GPC5: variants seen among roughly 807,000 people sequenced by gnomAD.
GPC5 encodes the protein glypican-5.
In GPC5, 47 loss-of-function variants were observed where a neutral mutation model predicts 53.9. The ratio of observed to expected loss-of-function variants is 0.87; its 90% CI spans 0.69 to 1.11. GPC5 has a LOEUF of 1.11. Ranked by LOEUF, GPC5 falls within the 50% of genes most tolerant of loss-of-function variation. The pLI is 0.00. For missense variants in GPC5, 748 were observed against 713.1 expected (o/e 1.05, Z -0.56); for synonymous variants, 286 against 263.3 (o/e 1.09, Z -0.84).
intron 7 of GPC5, among the ~76,000 whole-genome samples, chr13:92,213,880 A>G (rs527939280): frequency 6.6e-6 from 1 of 152,340 alleles, no homozygotes; most frequent in Admixed American, 6.5e-5. Flanking sequence ...TAAGATTCTT[A>G]TATAGGCAGA....
In GPC5 at chr13:92,469,206, A is replaced by AT. The variant is rs549805569; in HGVS notation, c.1561+324226dup. Among the ~76,000 whole-genome samples, 13 of 150,972 alleles carry AT rather than the reference A, an allele frequency of 8.6e-5. 1 individual carries two copies. The highest frequency in any genetic ancestry group is 7.8e-4 in the East Asian group (4 of 5,128). On this transcript the variant is annotated intron_variant, in intron 7 of 7. Coordinates refer to ENST00000377067, the MANE Select transcript of GPC5 (RefSeq NM_004466.6). ...TATCTTAAGGTCTCCTTCCTCTCTA[A>AT]TTTTTTTTTCTTTTCTTTTTGAGAT...
At chr13:91,618,537 G>C (rs935756389) in intron 2 of GPC5, among the ~76,000 whole-genome samples, 1 of 152,086 alleles carries the variant, frequency 6.6e-6, no homozygotes, top group African/African-American at 2.4e-5. Context: ...CATGTGCTTT[G>C]CTCAGATAAG....
intron 4 of GPC5, among the ~76,000 whole-genome samples, chr13:91,735,797 A>C (rs2036801569): frequency 6.6e-6 from 1 of 151,284 alleles, no homozygotes; most frequent in Non-Finnish European, 1.5e-5. Context: ...ACTAGAGTCT[A>C]CTACTTAGGA....
chr13:91,527,553 T>C (rs1233073737), intron 2 of GPC5, among the ~76,000 whole-genome samples: 2 of 152,232 alleles, frequency 1.3e-5, no homozygotes, highest in African/African-American at 2.4e-5. Flanking sequence ...GGGTAAGCTG[T>C]TGGTGGATCT....
chr13:92,271,973 C>T (rs71427542), intron 7 of GPC5, among the ~76,000 whole-genome samples: 89 of 152,246 alleles, frequency 5.8e-4, no homozygotes, highest in Admixed American at 1.4e-3. Context: ...AATAGGATGA[C>T]GGGAGTCAAT....
At chr13:91,694,224 G>A (rs1476965973) in intron 3 of GPC5, among the ~76,000 whole-genome samples, 1 of 152,186 alleles carries the variant, frequency 6.6e-6, no homozygotes, top group East Asian at 1.9e-4. Flanking sequence ...AAAGGAAATA[G>A]TAACATACAA....
intron 7 of GPC5, among the ~76,000 whole-genome samples, chr13:92,791,395 A>G (rs948091882): frequency 6.8e-6 from 1 of 147,584 alleles, no homozygotes. Context: ...ACGTGTGTGT[A>G]ACTTTGTGAG....
At chr13:92,114,390 C>T (rs1310771515) in intron 6 of GPC5, among the ~76,000 whole-genome samples, 3 of 152,136 alleles carry the variant, frequency 2.0e-5, no homozygotes, top group Non-Finnish European at 4.4e-5. Flanking sequence ...CTCTGACTTC[C>T]ACACCAAGAG....
chr13:92,246,819 A>G (rs945108053), intron 7 of GPC5, among the ~76,000 whole-genome samples: 1 of 152,154 alleles, frequency 6.6e-6, no homozygotes, highest in African/African-American at 2.4e-5. Context: ...CAACTTTTTA[A>G]TGGTAATTTT....
At chr13:91,911,036 T>C (rs189074046) in intron 6 of GPC5, among the ~76,000 whole-genome samples, 201 of 152,212 alleles carry the variant, frequency 1.3e-3, no homozygotes, top group Middle Eastern at 6.8e-3. Context: ...CAGGAAAACC[T>C]GTGAGAACTG....
intron 5 of GPC5, among the ~76,000 whole-genome samples, chr13:91,815,253 G>T (rs1594588696): frequency 6.6e-6 from 1 of 152,054 alleles, no homozygotes; most frequent in Admixed American, 6.6e-5. Context: ...AGGCCTGGTG[G>T]TATGCACTTG....
intron 7 of GPC5, among the ~76,000 whole-genome samples, chr13:92,209,176 T>C (rs1336365972): frequency 1.3e-5 from 2 of 152,250 alleles, no homozygotes; most frequent in Non-Finnish European, 2.9e-5. Flanking sequence ...GATGTATTGC[T>C]TAAATCTCTG....
intron 7 of GPC5, among the ~76,000 whole-genome samples, chr13:92,451,724 T>C (rs1320983554): frequency 2.0e-5 from 3 of 152,206 alleles, no homozygotes; most frequent in Non-Finnish European, 4.4e-5. Context: ...AGAGACTGAC[T>C]TGTGTTTTCA....
At chr13:91,721,246 T>A (rs2036466968) in intron 3 of GPC5, among the ~76,000 whole-genome samples, 1 of 152,092 alleles carries the variant, frequency 6.6e-6, no homozygotes. Flanking sequence ...GCAATTCTCC[T>A]GTCTCAGCCC....
chr13:92,811,314 TAC>T (rs1877291539), intron 7 of GPC5, among the ~76,000 whole-genome samples: 1 of 152,014 alleles, frequency 6.6e-6, no homozygotes, highest in Admixed American at 6.6e-5. Flanking sequence ...AGGAGCAATG[TAC>T]ACATATTCCA....
At chr13:92,618,032 C>CT (rs1177432659) in intron 7 of GPC5, among the ~76,000 whole-genome samples, 1 of 152,118 alleles carries the variant, frequency 6.6e-6, no homozygotes, top group Non-Finnish European at 1.5e-5. Flanking sequence ...AGTACTCTTT[C>CT]TATGGTAATT....
At chr13:92,520,054 A>G (rs1407491174) in intron 7 of GPC5, among the ~76,000 whole-genome samples, 2 of 152,224 alleles carry the variant, frequency 1.3e-5, no homozygotes, top group African/African-American at 2.4e-5. Flanking sequence ...TCCTGGACAC[A>G]TACACCCTTC....
intron 7 of GPC5, among the ~76,000 whole-genome samples, chr13:92,301,767 GAAAA>G (rs2043077111): frequency 6.6e-6 from 1 of 151,862 alleles, no homozygotes; most frequent in Non-Finnish European, 1.5e-5. Context: ...ATCAGAAAAA[GAAAA>G]AAAGTAGTGC....
intron 7 of GPC5, among the ~76,000 whole-genome samples, chr13:92,507,887 T>G (rs1435207888): frequency 6.6e-6 from 1 of 152,144 alleles, no homozygotes; most frequent in African/African-American, 2.4e-5. Context: ...ATGAAACCAT[T>G]TTATGTATAT....
Sources: gnomAD v4.1 joint callset for allele counts (sites outside exome capture counted in the v4.1 genomes callset) on GRCh38, gnomAD v4.1.1 for gene constraint, MANE v1.5 for transcripts, NCBI Gene and HGNC (gene_info 2026-07-23, HGNC 2026-07-21) for gene names.